THRB: variants seen among roughly 807,000 people sequenced by gnomAD.
THRB encodes the protein nuclear receptor subfamily 1 group A member 2.
A neutral mutation model predicts 47.8 loss-of-function variants in THRB; 12 were observed. The observed-to-expected ratio is 0.25, with a 90% CI of 0.16 to 0.41. The LOEUF is 0.41. Ranked by LOEUF, THRB falls within the 10% of genes least tolerant of loss-of-function variation. THRB has a pLI of 1.00. For missense variants in THRB, 348 were observed against 589.2 expected, an observed-to-expected ratio of 0.59 and a Z score of 4.24; for synonymous variants, 218 against 212.2, an observed-to-expected ratio of 1.03 and a Z score of -0.24.
At chr3:24,204,551 G>T (rs1413625665) in intron 4 of THRB, among the ~76,000 whole-genome samples, 1 of 152,134 alleles carries the variant, frequency 6.6e-6, no homozygotes, top group Non-Finnish European at 1.5e-5. Flanking sequence ...CAAAGATGGG[G>T]AAAAAACAGA....
intron 5 of THRB, among the ~76,000 whole-genome samples, chr3:24,177,270 A>C (rs1414824572): frequency 6.6e-6 from 1 of 152,150 alleles, no homozygotes; most frequent in African/African-American, 2.4e-5. Context: ...ATTCTTTCCT[A>C]AGACAAATGC....
chr3:24,282,647 C>G (rs1188590913), intron 3 of THRB, among the ~76,000 whole-genome samples: 1 of 144,610 alleles, frequency 6.9e-6, no homozygotes, highest in Non-Finnish European at 1.5e-5. Flanking sequence ...AATCCAGGAG[C>G]TGGTTTTTTG....
intron 1 of THRB, among the ~76,000 whole-genome samples, chr3:24,423,141 G>T (rs2069429446): frequency 6.6e-6 from 1 of 151,892 alleles, no homozygotes; most frequent in African/African-American, 2.4e-5. Context: ...CCAGCCACCA[G>T]CAGAATAAGC....
chr3:24,128,845 G>A (rs1251811021), intron 9 of THRB, among the ~76,000 whole-genome samples: 1 of 133,152 alleles, frequency 7.5e-6, no homozygotes, highest in African/African-American at 2.6e-5. Flanking sequence ...AATGCCAAGA[G>A]AAGAAGGAAA....
intron 1 of THRB, among the ~76,000 whole-genome samples, chr3:24,460,083 A>T (rs906657920): frequency 6.6e-6 from 1 of 152,082 alleles, no homozygotes; most frequent in African/African-American, 2.4e-5. Context: ...CTTCCTCTAA[A>T]AGATTATTAT....
rs115264048 is a variant in THRB, at chr3:24,322,950, G to A, written c.-189+14350C>T. On this transcript the variant is annotated intron_variant, in intron 2 of 10. Coordinates refer to ENST00000646209, the MANE Select transcript of THRB (RefSeq NM_001354712.2). The stretch of plus-strand genomic sequence containing the variant: ...CTAATAAATGTATCAGTCCCAGATC[G>A]GTACAGATACAGAGCTCATGAGTGA... Among the ~76,000 whole-genome samples, 332 of 152,168 alleles carry A rather than the reference G, an allele frequency of 2.2e-3. 1 individual carries two copies. Among genetic ancestry groups the A allele is most frequent in the African/African-American group, 7.0e-3 (290 of 41,494 alleles).
chr3:24,276,370 A>C (rs2053916482), intron 3 of THRB, among the ~76,000 whole-genome samples: 1 of 152,194 alleles, frequency 6.6e-6, no homozygotes, highest in Non-Finnish European at 1.5e-5. Context: ...ACATTTATTA[A>C]GCACTTTTCA....
intron 1 of THRB, among the ~76,000 whole-genome samples, chr3:24,369,039 T>C (rs996852793): frequency 6.6e-6 from 1 of 152,164 alleles, no homozygotes; most frequent in African/African-American, 2.4e-5. Flanking sequence ...TTATTTATTA[T>C]TTAATTTTTT....
chr3:24,293,227 T>G (rs954024012), intron 3 of THRB, among the ~76,000 whole-genome samples: 1 of 152,222 alleles, frequency 6.6e-6, no homozygotes, highest in Non-Finnish European at 1.5e-5. Context: ...TTGAGACGTG[T>G]TGATCATTAA....
intron 1 of THRB, among the ~76,000 whole-genome samples, chr3:24,479,604 C>T (rs1317165347): frequency 6.6e-6 from 1 of 152,150 alleles, no homozygotes; most frequent in Non-Finnish European, 1.5e-5. Flanking sequence ...GCTGTGACTC[C>T]TGGTTCAAGG....
intron 5 of THRB, among the ~76,000 whole-genome samples, chr3:24,176,712 T>C (rs1486135456): frequency 1.3e-5 from 2 of 152,182 alleles, no homozygotes; most frequent in Non-Finnish European, 2.9e-5. Flanking sequence ...CCACGTATTG[T>C]AGCATTCCAC....
chr3:24,163,688 G>C (rs2039233358), intron 5 of THRB, among the ~76,000 whole-genome samples: 1 of 152,102 alleles, frequency 6.6e-6, no homozygotes, highest in South Asian at 2.1e-4. Flanking sequence ...TGTATCCCTT[G>C]TAATAAATGA....
chr3:24,318,063 A>AAAGG (rs770330004), intron 2 of THRB, among the ~76,000 whole-genome samples: 19 of 152,200 alleles, frequency 1.2e-4, no homozygotes, highest in Middle Eastern at 3.4e-3. Flanking sequence ...GAATGAAAAG[A>AAAGG]AAGGAAGGAA....
chr3:24,355,400 A>T (rs2149581522), intron 1 of THRB, among the ~76,000 whole-genome samples: 1 of 152,298 alleles, frequency 6.6e-6, no homozygotes, highest in South Asian at 2.1e-4. Flanking sequence ...CCTGGAATGG[A>T]TCCTAATTGG....
intron 3 of THRB, among the ~76,000 whole-genome samples, chr3:24,234,338 A>G (rs754863501): frequency 2.6e-5 from 4 of 152,176 alleles, no homozygotes; most frequent in Non-Finnish European, 5.9e-5. Context: ...TCATTCTTAA[A>G]ATGCAGATAG....
intron 3 of THRB, among the ~76,000 whole-genome samples, chr3:24,255,373 T>C (rs527446259): frequency 1.3e-5 from 2 of 152,288 alleles, no homozygotes; most frequent in Admixed American, 6.5e-5. Context: ...TATATACATA[T>C]ACAATACAAC....
intron 1 of THRB, among the ~76,000 whole-genome samples, chr3:24,470,530 G>A (rs1219008372): frequency 6.6e-6 from 1 of 152,294 alleles, no homozygotes; most frequent in East Asian, 1.9e-4. Context: ...AACGGTGCCT[G>A]GTACTTAATA....
intron 1 of THRB, among the ~76,000 whole-genome samples, chr3:24,387,851 C>A (rs898071592): frequency 6.6e-6 from 1 of 151,930 alleles, no homozygotes; most frequent in African/African-American, 2.4e-5. Flanking sequence ...TACAGGCCAG[C>A]AAAAGTAGGG....
chr3:24,449,554 A>G (rs746357770), intron 1 of THRB, among the ~76,000 whole-genome samples: 2 of 152,104 alleles, frequency 1.3e-5, no homozygotes, highest in Non-Finnish European at 2.9e-5. Context: ...AACAGCTCTA[A>G]TTTTCTGTGG....
Sources: gnomAD v4.1 joint callset for allele counts (sites outside exome capture counted in the v4.1 genomes callset) on GRCh38, gnomAD v4.1.1 for gene constraint, MANE v1.5 for transcripts, NCBI Gene and HGNC (gene_info 2026-07-23, HGNC 2026-07-21) for gene names.